SCAF8: variants seen among roughly 807,000 people sequenced by gnomAD.
The protein encoded by SCAF8 is SR-related and CTD-associated factor 8.
Under a neutral mutation model 140.5 loss-of-function variants are expected in SCAF8, and 23 were observed. The ratio of observed to expected loss-of-function variants is 0.16; its 90% CI spans 0.12 to 0.23. The LOEUF (loss-of-function observed/expected upper bound fraction) is 0.23, where lower values mean the gene tolerates loss of function less well. SCAF8 is among the 10% of genes least tolerant of loss of function. The pLI, the probability that SCAF8 is intolerant of heterozygous loss-of-function variation, is 1.00. For missense variants in SCAF8, 1,397 were observed against 1,555.7 expected, an observed-to-expected ratio of 0.90 and a Z score of 1.72; for synonymous variants, 575 against 528.9, an observed-to-expected ratio of 1.09 and a Z score of -1.20.
intron 1 of SCAF8, among the ~76,000 whole-genome samples, chr6:154,746,760 C>T (rs1383573097): frequency 6.6e-6 from 1 of 152,098 alleles, no homozygotes; most frequent in Non-Finnish European, 1.5e-5. Flanking sequence ...TAGTTTTCTC[C>T]CCCACTTAAA....
At chr6:154,800,550 G>A (rs1777742965) in intron 6 of SCAF8, among the ~76,000 whole-genome samples, 6 of 151,482 alleles carry the variant, frequency 4.0e-5, no homozygotes, top group Admixed American at 3.9e-4. Flanking sequence ...TTTTAATGTT[G>A]AAGTCACATG....
At chr6:154,753,381 C>G (rs551141350) in intron 1 of SCAF8, among the ~76,000 whole-genome samples, 2 of 152,112 alleles carry the variant, frequency 1.3e-5, no homozygotes, top group Non-Finnish European at 2.9e-5. Context: ...TCAGGAGAAT[C>G]GCTTGAACCT....
At chr6:154,741,978 G>A (rs1778582435) in intron 1 of SCAF8, 2 of 1,533,690 alleles carry the variant, frequency 1.3e-6, no homozygotes, top group Non-Finnish European at 1.7e-6. Flanking sequence ...ACTCCTGCTT[G>A]TACAGACTGC....
chr6:154,742,859 T>C (rs1778606221), intron 1 of SCAF8, among the ~76,000 whole-genome samples: 1 of 152,238 alleles, frequency 6.6e-6, no homozygotes, highest in Non-Finnish European at 1.5e-5. Context: ...ATGTGATTTA[T>C]ATAGATTGAC....
At chr6:154,765,963 A>G (rs1013167592) in intron 1 of SCAF8, among the ~76,000 whole-genome samples, 1 of 152,156 alleles carries the variant, frequency 6.6e-6, no homozygotes, top group Non-Finnish European at 1.5e-5. Context: ...ACTCTTCCCC[A>G]ACTAATAATA....
intron 18 of SCAF8, among the ~76,000 whole-genome samples, chr6:154,830,172 T>G (rs932549573): frequency 6.6e-6 from 1 of 152,216 alleles, no homozygotes; most frequent in African/African-American, 2.4e-5. Context: ...TTCTCTTAAT[T>G]CTTGTGCATG....
At chr6:154,829,273 A>G (rs1218486680) in intron 18 of SCAF8, among the ~76,000 whole-genome samples, 1 of 149,652 alleles carries the variant, frequency 6.7e-6, no homozygotes, top group Non-Finnish European at 1.5e-5. Flanking sequence ...TATGCACTCT[A>G]GCTTACTTGG....
At chr6:154,790,818 C>T (rs1034524064) in intron 4 of SCAF8, among the ~76,000 whole-genome samples, 5 of 151,938 alleles carry the variant, frequency 3.3e-5, no homozygotes, top group South Asian at 2.1e-4. Context: ...CCTCTTTTTT[C>T]GTACTTGATT....
At chr6:154,756,406 A>C (rs1220111809) in intron 1 of SCAF8, among the ~76,000 whole-genome samples, 3 of 152,226 alleles carry the variant, frequency 2.0e-5, no homozygotes, top group Non-Finnish European at 2.9e-5. Flanking sequence ...CTACCTCAGT[A>C]GATTGTTAGA....
At chr6:154,751,708 A>G (rs996270222) in intron 1 of SCAF8, among the ~76,000 whole-genome samples, 10 of 152,082 alleles carry the variant, frequency 6.6e-5, no homozygotes, top group East Asian at 1.9e-4. Flanking sequence ...TATTTTTACT[A>G]TGGATTTATT....
intron 1 of SCAF8, among the ~76,000 whole-genome samples, chr6:154,747,224 G>A (rs1297614216): frequency 6.6e-6 from 1 of 152,068 alleles, no homozygotes; most frequent in Non-Finnish European, 1.5e-5. Context: ...TTAAAATATA[G>A]AACCGTGCGG....
intron 17 of SCAF8, chr6:154,825,367 A>G (rs1778536425): frequency 6.6e-6 from 1 of 152,094 alleles, no homozygotes; most frequent in African/African-American, 2.4e-5. Flanking sequence ...CACAACTTAC[A>G]TATATAGTTT....
chr6:154,768,520 T>C (rs1017039061), intron 1 of SCAF8, among the ~76,000 whole-genome samples: 1 of 152,248 alleles, frequency 6.6e-6, no homozygotes, highest in African/African-American at 2.4e-5. Flanking sequence ...GAAATTATTA[T>C]ACTAGAGGTT....
In SCAF8 at chr6:154,793,674, G is replaced by T. The variant is rs189398314; in HGVS notation, c.475+698G>T. On this transcript the variant is annotated intron_variant, in intron 5 of 19. Transcript: ENST00000367178. ...CATTAAAAATAAAAAAATCAGCTGG[G>T]TGTGGTAGTGGGTGCCTGTAATCCC... Among the ~76,000 whole-genome samples the T allele has an allele frequency of 7.1e-3, 1,078 of 151,862 alleles. 6 individuals are homozygous for T. Among genetic ancestry groups the T allele is most frequent in the Non-Finnish European group, 0.011 (758 of 67,914 alleles).
At chr6:154,777,578 C>G (rs538374260) in intron 2 of SCAF8, among the ~76,000 whole-genome samples, 1 of 152,268 alleles carries the variant, frequency 6.6e-6, no homozygotes, top group Admixed American at 6.5e-5. Flanking sequence ...TTTGTAGTTA[C>G]TTGATTTTTC....
chr6:154,755,741 C>T (rs961018514), intron 1 of SCAF8, among the ~76,000 whole-genome samples: 3 of 152,100 alleles, frequency 2.0e-5, no homozygotes, highest in South Asian at 2.1e-4. Flanking sequence ...TGCTGTGAAA[C>T]GGGAAGATTT....
intron 6 of SCAF8, among the ~76,000 whole-genome samples, chr6:154,800,114 T>TA (rs562665775): frequency 1.6e-3 from 238 of 151,512 alleles, no homozygotes; most frequent in African/African-American, 5.5e-3. Flanking sequence ...TGTAAACTCT[T>TA]ACCTGTCATT....
At chr6:154,741,596 G>A (rs144255170) in intron 1 of SCAF8, among the ~76,000 whole-genome samples, 1,855 of 152,090 alleles carry the variant, frequency 0.012, 13 homozygotes, top group Middle Eastern at 0.048. Context: ...TAGTAGAGAC[G>A]GGGTTTCACC....
At chr6:154,812,061 G>C (rs763874419) in intron 12 of SCAF8, among the ~76,000 whole-genome samples, 1 of 151,300 alleles carries the variant, frequency 6.6e-6, no homozygotes, top group Non-Finnish European at 1.5e-5. Context: ...TATTTTCATG[G>C]GCACAACAAA....
Sources: allele counts gnomAD v4.1 joint callset (sites outside exome capture counted in the v4.1 genomes callset), GRCh38; gene constraint gnomAD v4.1.1; transcripts MANE v1.5; gene names NCBI Gene and HGNC (gene_info 2026-07-23, HGNC 2026-07-21).